Variants in CNTNAP4 observed in about 807,000 individuals in gnomAD.
The protein encoded by CNTNAP4 is contactin associated protein family member 4.
Under a neutral mutation model 148.4 loss-of-function variants are expected in CNTNAP4, and 98 were observed. That is an observed-to-expected ratio of 0.66 (90% CI 0.56 to 0.78). CNTNAP4 has a LOEUF of 0.78. CNTNAP4 is among the 30% of genes least tolerant of loss of function. The probability of loss-of-function intolerance (pLI) is 0.00; values close to 1 mark genes in which losing one functional copy is unlikely to be tolerated. For missense variants in CNTNAP4, 1,935 were observed against 1,565.6 expected (o/e 1.24, Z -3.98); for synonymous variants, 730 against 565.1 (o/e 1.29, Z -4.14).
intron 4 of CNTNAP4, among the ~76,000 whole-genome samples, chr16:76,445,009 T>C (rs2080186681): frequency 6.6e-6 from 1 of 152,186 alleles, no homozygotes; most frequent in Admixed American, 6.5e-5. Flanking sequence ...TACTAAATTA[T>C]TTCCTGTCAC....
chr16:76,440,719 C>T (rs1403905268), intron 4 of CNTNAP4, among the ~76,000 whole-genome samples: 2 of 152,054 alleles, frequency 1.3e-5, no homozygotes, highest in Non-Finnish European at 2.9e-5. Flanking sequence ...TAGGCCAAGC[C>T]CAGGAAGTAG....
chr16:76,494,737 G>T (rs13338060), intron 13 of CNTNAP4, among the ~76,000 whole-genome samples, 173 bp from the exon 14 acceptor site: 53,084 of 151,924 alleles, frequency 0.35, 10,170 homozygotes, highest in African/African-American at 0.49. Context: ...TAAAAAAAGT[G>T]TTCTTAAGGA....
At chr16:76,343,404 A>G (rs1457795260) in intron 2 of CNTNAP4, among the ~76,000 whole-genome samples, 1 of 152,160 alleles carries the variant, frequency 6.6e-6, no homozygotes, top group Non-Finnish European at 1.5e-5. Context: ...CTTCTGCCTC[A>G]CTTGTGCATC....
chr16:76,409,845 A>G (rs2078729526), intron 3 of CNTNAP4, among the ~76,000 whole-genome samples: 1 of 151,926 alleles, frequency 6.6e-6, no homozygotes, highest in Non-Finnish European at 1.5e-5. Flanking sequence ...AGAGATTAAT[A>G]AACTGTCTGT....
chr16:76,492,123 A>G (rs1329728567), intron 13 of CNTNAP4, among the ~76,000 whole-genome samples: 1 of 152,188 alleles, frequency 6.6e-6, no homozygotes, highest in South Asian at 2.1e-4. Flanking sequence ...TGGTGTGGAG[A>G]TGTTGGTCAA....
At chr16:76,548,979 G>A (rs1171764975) in intron 21 of CNTNAP4, among the ~76,000 whole-genome samples, 1 of 152,090 alleles carries the variant, frequency 6.6e-6, no homozygotes, top group Admixed American at 6.5e-5. Context: ...GGAGGACGGC[G>A]GCTGAGTTGC....
chr16:76,483,231 AACACAC>A (rs59206208), intron 12 of CNTNAP4, among the ~76,000 whole-genome samples: 8,604 of 139,986 alleles, frequency 0.061, 285 homozygotes, highest in African/African-American at 0.078. Flanking sequence ...AGTTTTAAGA[AACACAC>A]ACACACACAC....
chr16:76,344,735 G>A (rs899044585), intron 2 of CNTNAP4, among the ~76,000 whole-genome samples: 3 of 152,168 alleles, frequency 2.0e-5, no homozygotes, highest in East Asian at 3.9e-4. Context: ...GTGTATGATC[G>A]TATATGAGAT....
chr16:76,477,469 C>A (rs564197464), intron 11 of CNTNAP4, among the ~76,000 whole-genome samples: 1 of 152,116 alleles, frequency 6.6e-6, no homozygotes, highest in African/African-American at 2.4e-5. Flanking sequence ...GCATTGTGCT[C>A]CTGCCAGTGT....
intron 15 of CNTNAP4, among the ~76,000 whole-genome samples, chr16:76,501,462 C>G (rs1232596836): frequency 6.6e-6 from 1 of 152,188 alleles, no homozygotes; most frequent in East Asian, 1.9e-4. Context: ...TTCTCCCAGA[C>G]TTCCTGTCAT....
Position 76,495,079 on chromosome 16 carries a change from T to G in CNTNAP4, c.2237+13T>G, listed in dbSNP as rs4268783. ...ACCGGAATGAATGGTGATTTCCATA[T>G]GATTTCTTTATGCAAGAAAAAGTTC... On this transcript the variant is annotated intron_variant, in intron 14 of 23. Coordinates refer to ENST00000611870, the MANE Select transcript of CNTNAP4 (RefSeq NM_033401.5). 324 of 1,611,520 alleles carry G rather than the reference T, an allele frequency of 2.0e-4. 1 individual carries two copies. The African/African-American group carries it at 3.8e-3, about 19-fold the overall frequency.
chr16:76,539,446 G>A (rs1364254803), intron 19 of CNTNAP4, among the ~76,000 whole-genome samples: 1 of 152,054 alleles, frequency 6.6e-6, no homozygotes, highest in Non-Finnish European at 1.5e-5. Flanking sequence ...TGAGAGGCAA[G>A]TGCAGAGATT....
chr16:76,345,576 G>C (rs1279462759), intron 2 of CNTNAP4, among the ~76,000 whole-genome samples: 2 of 152,160 alleles, frequency 1.3e-5, no homozygotes, highest in Non-Finnish European at 2.9e-5. Context: ...ATGCGGGGGG[G>C]ATTTGGCCAA....
intron 15 of CNTNAP4, among the ~76,000 whole-genome samples, chr16:76,514,594 G>T (rs1290122216): frequency 3.9e-5 from 6 of 152,068 alleles, no homozygotes; most frequent in African/African-American, 4.8e-5. Flanking sequence ...TGGTTAGGGG[G>T]TGTTTATGGA....
chr16:76,283,891 T>C (rs1259039856), intron 1 of CNTNAP4, among the ~76,000 whole-genome samples: 1 of 152,040 alleles, frequency 6.6e-6, no homozygotes, highest in Non-Finnish European at 1.5e-5. Flanking sequence ...ACTGAAAGTT[T>C]ACAGAATGAT....
intron 3 of CNTNAP4, among the ~76,000 whole-genome samples, chr16:76,409,344 A>C (rs2078711477): frequency 2.0e-5 from 3 of 151,982 alleles, no homozygotes; most frequent in African/African-American, 7.2e-5. Flanking sequence ...TAAAGTACGT[A>C]TACAGCATCA....
intron 15 of CNTNAP4, among the ~76,000 whole-genome samples, chr16:76,513,462 A>G (rs1474862228): frequency 1.3e-5 from 2 of 152,118 alleles, no homozygotes; most frequent in African/African-American, 2.4e-5. Flanking sequence ...TTAAAACCCG[A>G]TGTTTATACA....
At chr16:76,531,851 G>T (rs780170307) in intron 17 of CNTNAP4, among the ~76,000 whole-genome samples, 2 of 152,166 alleles carry the variant, frequency 1.3e-5, no homozygotes, top group Admixed American at 6.6e-5. Flanking sequence ...GTCATTTAGA[G>T]TGTGGCTTAA....
intron 3 of CNTNAP4, among the ~76,000 whole-genome samples, chr16:76,419,131 A>G (rs1009080269): frequency 6.6e-6 from 1 of 151,936 alleles, no homozygotes; most frequent in Admixed American, 6.6e-5. Context: ...CTTCACAAGC[A>G]TATCTCTGGT....
Sources: allele counts gnomAD v4.1 joint callset (sites outside exome capture counted in the v4.1 genomes callset), GRCh38; gene constraint gnomAD v4.1.1; transcripts MANE v1.5; gene names NCBI Gene and HGNC (gene_info 2026-07-23, HGNC 2026-07-21).